SCARA5: variants seen among roughly 807,000 people sequenced by gnomAD.
SCARA5 encodes the protein scavenger receptor class A, member 5 (putative).
In SCARA5, 45 loss-of-function variants were observed where a neutral mutation model predicts 46.3. The observed-to-expected ratio is 0.97, with a 90% CI of 0.76 to 1.24. The LOEUF is 1.24. Among genes scored for constraint, SCARA5 ranks in the 50% most tolerant of loss-of-function variants. The pLI is 0.00. For missense variants in SCARA5, 680 were observed against 689.0 expected (o/e 0.99, Z 0.15); for synonymous variants, 333 against 306.5 (o/e 1.09, Z -0.90).
chr8:27,872,096 T>C (rs201099661), intron 8 of SCARA5, 26 bp from the exon 9 acceptor site: 3 of 1,613,616 alleles, frequency 1.9e-6, no homozygotes, highest in Non-Finnish European at 1.7e-6. Flanking sequence ...AACACAGCTA[T>C]AAGCGGATAC....
chr8:27,981,563 G>T (rs893883052), intron 2 of SCARA5, among the ~76,000 whole-genome samples: 3 of 152,324 alleles, frequency 2.0e-5, no homozygotes, highest in African/African-American at 7.2e-5. Context: ...ACAGTGTACG[G>T]CACGTGGGGA....
chr8:27,968,460 C>T (rs571999689), intron 2 of SCARA5, among the ~76,000 whole-genome samples: 29 of 152,312 alleles, frequency 1.9e-4, no homozygotes, highest in African/African-American at 6.5e-4. Flanking sequence ...CCATCCTTTA[C>T]CATACACTAG....
intron 7 of SCARA5, among the ~76,000 whole-genome samples, chr8:27,894,401 G>A (rs1031469477): frequency 2.0e-5 from 3 of 152,198 alleles, no homozygotes; most frequent in Non-Finnish European, 4.4e-5. Context: ...TCTCACAACA[G>A]CCCTATGGGG....
At chr8:27,881,343 A>T (rs1389662824) in intron 7 of SCARA5, among the ~76,000 whole-genome samples, 1 of 152,252 alleles carries the variant, frequency 6.6e-6, no homozygotes. Flanking sequence ...GTACATATAC[A>T]TATACACCAT....
intron 3 of SCARA5, among the ~76,000 whole-genome samples, chr8:27,960,168 T>A (rs1808272345): frequency 7.0e-6 from 1 of 141,998 alleles, no homozygotes; most frequent in South Asian, 2.4e-4. Context: ...ATCAAATATT[T>A]CTGGAGCACT....
At chr8:27,973,445 C>T (rs1417494526) in intron 2 of SCARA5, among the ~76,000 whole-genome samples, 1 of 152,140 alleles carries the variant, frequency 6.6e-6, no homozygotes, top group African/African-American at 2.4e-5. Context: ...CCACTACACT[C>T]CAGCCTGGGT....
intron 3 of SCARA5, among the ~76,000 whole-genome samples, chr8:27,956,584 G>T (rs746988271): frequency 6.6e-6 from 1 of 152,186 alleles, no homozygotes; most frequent in Non-Finnish European, 1.5e-5. Context: ...ATGAGGTCCA[G>T]AGAGGTTTAA....
intron 3 of SCARA5, among the ~76,000 whole-genome samples, chr8:27,960,589 T>C (rs1389597850): frequency 6.6e-6 from 1 of 152,106 alleles, no homozygotes; most frequent in Non-Finnish European, 1.5e-5. Flanking sequence ...ATTGTACAGA[T>C]GAAAAAACCA....
chr8:27,915,189 T>C (rs996087268), intron 4 of SCARA5, among the ~76,000 whole-genome samples: 5 of 152,146 alleles, frequency 3.3e-5, no homozygotes, highest in African/African-American at 1.2e-4. Flanking sequence ...TGAGGTCTCT[T>C]TTTTTCATCA....
intron 2 of SCARA5, among the ~76,000 whole-genome samples, chr8:27,971,430 T>G (rs1266391945): frequency 6.6e-6 from 1 of 152,162 alleles, no homozygotes; most frequent in Non-Finnish European, 1.5e-5. Flanking sequence ...AAACAGTGAC[T>G]TTAAGGAGCA....
intron 2 of SCARA5, among the ~76,000 whole-genome samples, chr8:27,982,816 C>T (rs903590643): frequency 1.3e-5 from 2 of 152,182 alleles, no homozygotes; most frequent in Admixed American, 1.3e-4. Context: ...AACCAAGGCA[C>T]CCAACAGTCC....
rs568057067 is a variant in SCARA5, at chr8:27,977,324, G to GC, written c.112+10179dup. ...CCACAGAAAACCCAGGACTCCCCAG[G>GC]CCCCCCCATCACCCACTGTTAATCC... On this transcript the variant is annotated intron_variant, in intron 2 of 8. Coordinates refer to ENST00000354914, the MANE Select transcript of SCARA5 (RefSeq NM_173833.6). Among the ~76,000 whole-genome samples the GC allele has an allele frequency of 1.1e-4, 17 of 151,922 alleles. No homozygotes were observed. In the South Asian group the frequency reaches 2.5e-3, roughly 22 times the overall value.
chr8:27,955,255 A>G (rs952599311), intron 3 of SCARA5, among the ~76,000 whole-genome samples: 1 of 152,150 alleles, frequency 6.6e-6, no homozygotes, highest in Non-Finnish European at 1.5e-5. Flanking sequence ...ACCCTGGGAG[A>G]TGTCCTATCA....
intron 3 of SCARA5, among the ~76,000 whole-genome samples, chr8:27,951,749 C>T (rs996169482): frequency 6.6e-6 from 1 of 152,216 alleles, no homozygotes; most frequent in Admixed American, 6.5e-5. Flanking sequence ...TTCCCTGAGA[C>T]AAGGCTGGAG....
At chr8:27,901,367 G>A (rs527768999) in intron 7 of SCARA5, among the ~76,000 whole-genome samples, 3 of 152,252 alleles carry the variant, frequency 2.0e-5, no homozygotes, top group Admixed American at 1.3e-4. Flanking sequence ...GGCTCTTCCC[G>A]CACGATGTTG....
At chr8:27,972,188 G>A (rs960715217) in intron 2 of SCARA5, among the ~76,000 whole-genome samples, 1 of 151,916 alleles carries the variant, frequency 6.6e-6, no homozygotes, top group African/African-American at 2.4e-5. Context: ...ATGGCGGCAG[G>A]CACCTGTAAC....
At chr8:27,904,715 G>A in intron 7 of SCARA5, 63 bp downstream of exon 7, 1 of 1,440,076 alleles carries the variant, frequency 6.9e-7, no homozygotes, top group Non-Finnish European at 9.8e-7. Flanking sequence ...TTATGGGGCT[G>A]CTTGGGGGAC....
intron 4 of SCARA5, among the ~76,000 whole-genome samples, chr8:27,917,330 G>A (rs976246891): frequency 3.3e-5 from 5 of 152,202 alleles, no homozygotes; most frequent in African/African-American, 4.8e-5. Context: ...GCAAATGAGT[G>A]ACCCAGGGCA....
intron 2 of SCARA5, among the ~76,000 whole-genome samples, chr8:27,984,099 TC>T (rs1808664511): frequency 6.6e-6 from 1 of 151,326 alleles, no homozygotes; most frequent in South Asian, 2.1e-4. Flanking sequence ...AACTTCCCCC[TC>T]CTCCCTCCCT....
Sources: gnomAD v4.1 joint callset for allele counts (sites outside exome capture counted in the v4.1 genomes callset) on GRCh38, gnomAD v4.1.1 for gene constraint, MANE v1.5 for transcripts, NCBI Gene and HGNC (gene_info 2026-07-23, HGNC 2026-07-21) for gene names.